Variants in SLC10A7 observed in about 807,000 individuals in gnomAD.
SLC10A7 encodes solute carrier family 10 member 7, also known as sodium/bile acid cotransporter 7.
A neutral mutation model predicts 43.2 loss-of-function variants in SLC10A7; 29 were observed. The observed-to-expected ratio is 0.67, with a 90% confidence interval of 0.50 to 0.92. The LOEUF (loss-of-function observed/expected upper bound fraction) is 0.92. Among genes scored for constraint, SLC10A7 ranks in the 40% least tolerant of loss-of-function variants. SLC10A7 has a pLI of 0.00. For synonymous variants in SLC10A7, 152 were observed against 144.8 expected, an observed-to-expected ratio of 1.05 and a Z score of -0.35; for missense variants, 295 against 403.2, an observed-to-expected ratio of 0.73 and a Z score of 2.30.
chr4:146,499,721 T>C (rs1736224666), intron 4 of SLC10A7, among the ~76,000 whole-genome samples: 2 of 152,184 alleles, frequency 1.3e-5, no homozygotes, highest in African/African-American at 4.8e-5. Flanking sequence ...ACAAAAATGC[T>C]TGACAATCAT....
chr4:146,309,868 A>C (rs1731839824), intron 6 of SLC10A7, among the ~76,000 whole-genome samples: 1 of 152,146 alleles, frequency 6.6e-6, no homozygotes, highest in African/African-American at 2.4e-5. Flanking sequence ...AGTTTGTTAC[A>C]TGGGTATATT....
At chr4:146,326,708 G>A (rs1733130474) in intron 5 of SLC10A7, among the ~76,000 whole-genome samples, 1 of 152,174 alleles carries the variant, frequency 6.6e-6, no homozygotes. Flanking sequence ...AAAACTAAGT[G>A]TTTGAGTTGG....
intron 11 of SLC10A7, among the ~76,000 whole-genome samples, chr4:146,257,903 T>A (rs1279148290): frequency 6.6e-6 from 1 of 152,212 alleles, no homozygotes; most frequent in African/African-American, 2.4e-5. Flanking sequence ...ATTTTCAGGA[T>A]ATTAAGAACA....
chr4:146,396,809 A>C (rs1738860543), intron 5 of SLC10A7, among the ~76,000 whole-genome samples: 1 of 152,006 alleles, frequency 6.6e-6, no homozygotes, highest in Non-Finnish European at 1.5e-5. Context: ...TCACTGAAAA[A>C]AAAAAGCATT....
At chr4:146,259,415 G>C (rs114538344) in intron 10 of SLC10A7, among the ~76,000 whole-genome samples, 3,320 of 152,240 alleles carry the variant, frequency 0.022, 108 homozygotes, top group African/African-American at 0.076. Flanking sequence ...TTAGGTAAGG[G>C]TCATACAGAT....
intron 5 of SLC10A7, among the ~76,000 whole-genome samples, chr4:146,359,592 T>C (rs1332216282): frequency 6.6e-6 from 1 of 152,142 alleles, no homozygotes; most frequent in East Asian, 1.9e-4. Context: ...GTGACAGTAA[T>C]ATTGCTTTCT....
At chr4:146,516,478 G>GTA (rs1241072885) in intron 2 of SLC10A7, among the ~76,000 whole-genome samples, 25 of 141,558 alleles carry the variant, frequency 1.8e-4, no homozygotes, top group African/African-American at 6.3e-4. Context: ...ATGTATATGT[G>GTA]TATATATATA....
At position 146,456,832 on chromosome 4, in the gene SLC10A7, G is replaced by C. The variant is rs141489094; in HGVS notation, c.397-14011C>G. The stretch of plus-strand genomic sequence containing the variant: ...TTCCAACCTTCTAATCACATGCTTG[G>C]TCTTTCTGGTGGCCAGTTCCCATCC... On this transcript the variant is annotated intron_variant, in intron 4 of 11. Coordinates refer to ENST00000335472, the MANE Select transcript of SLC10A7 (RefSeq NM_001029998.6). Among the ~76,000 whole-genome samples, 11 of 151,888 alleles carry C rather than the reference G, an allele frequency of 7.2e-5. No individual in the cohort carries two copies. The East Asian group carries it at 2.1e-3, about 29-fold the overall frequency.
In SLC10A7 at chr4:146,287,662, GC is replaced by G. The variant is rs536537882; in HGVS notation, c.774-4398del. ...AAAAAACTTCCATGCAGGAGTGAGT[GC>G]CCTCCAGTGATTGTAGAACATGTAA... On this transcript the variant is annotated intron_variant, in intron 9 of 11. Transcript: ENST00000335472. Among the ~76,000 whole-genome samples, 59 of 152,298 alleles carry G rather than the reference GC, an allele frequency of 3.9e-4. No individual in the cohort carries two copies. In the East Asian group the frequency reaches 9.5e-3, roughly 24 times the overall value.
Position 146,310,412 on chromosome 4 carries a change from C to G in SLC10A7, c.472-4403G>C, listed in dbSNP as rs182875332. On this transcript the variant is annotated intron_variant, in intron 6 of 11. Coordinates refer to ENST00000335472, the MANE Select transcript of SLC10A7 (RefSeq NM_001029998.6). ...TCTCCAGAACTGCTTTCCACAGACACTGAAGTAATTTACATTCCCACTAAT... is the reference window on the plus strand; with the variant it reads ...TCTCCAGAACTGCTTTCCACAGACAGTGAAGTAATTTACATTCCCACTAAT... 7.6e-4 allele frequency among the ~76,000 whole-genome samples: 116 copies of G among 152,264 alleles called. 1 individual carries two copies. Among genetic ancestry groups the G allele is most frequent in the Non-Finnish European group, 1.4e-3 (92 of 68,014 alleles).
intron 5 of SLC10A7, among the ~76,000 whole-genome samples, chr4:146,393,439 T>G (rs1738592512): frequency 6.6e-6 from 1 of 152,116 alleles, no homozygotes; most frequent in South Asian, 2.1e-4. Flanking sequence ...TTCTACTACA[T>G]TATCTCTTTA....
At chr4:146,336,977 G>A (rs1488833017) in intron 5 of SLC10A7, among the ~76,000 whole-genome samples, 1 of 151,976 alleles carries the variant, frequency 6.6e-6, no homozygotes, top group Non-Finnish European at 1.5e-5. Context: ...TTCAGGCAAT[G>A]TAAACTCATA....
intron 5 of SLC10A7, among the ~76,000 whole-genome samples, chr4:146,404,523 T>G (rs1739447228): frequency 6.6e-6 from 1 of 150,898 alleles, no homozygotes. Flanking sequence ...TGTGACTGGT[T>G]TAAGATCTTT....
At chr4:146,484,408 C>T (rs1734744633) in intron 4 of SLC10A7, among the ~76,000 whole-genome samples, 1 of 152,076 alleles carries the variant, frequency 6.6e-6, no homozygotes, top group Non-Finnish European at 1.5e-5. Flanking sequence ...TGGAGAAACA[C>T]TGGACTCAAA....
intron 4 of SLC10A7, among the ~76,000 whole-genome samples, chr4:146,477,112 C>T (rs1734095188): frequency 6.6e-6 from 1 of 152,236 alleles, no homozygotes; most frequent in African/African-American, 2.4e-5. Flanking sequence ...GCCTTGACCA[C>T]TACACAAAGA....
At chr4:146,274,279 C>T (rs547201475) in intron 10 of SLC10A7, among the ~76,000 whole-genome samples, 5 of 148,438 alleles carry the variant, frequency 3.4e-5, no homozygotes, top group Non-Finnish European at 7.4e-5. Flanking sequence ...TCTTGGATCA[C>T]TGCAACCTCT....
At chr4:146,492,410 C>T (rs1482697356) in intron 4 of SLC10A7, among the ~76,000 whole-genome samples, 1 of 152,026 alleles carries the variant, frequency 6.6e-6, no homozygotes, top group African/African-American at 2.4e-5. Flanking sequence ...CTCTTTCCCC[C>T]AGGCTGGAGT....
chr4:146,490,700 T>C (rs1273289370), intron 4 of SLC10A7, among the ~76,000 whole-genome samples: 1 of 152,160 alleles, frequency 6.6e-6, no homozygotes, highest in African/African-American at 2.4e-5. Context: ...CTCTCTTAAC[T>C]GGAACTAAAA....
At chr4:146,356,023 A>G (rs1182057792) in intron 5 of SLC10A7, among the ~76,000 whole-genome samples, 1 of 123,400 alleles carries the variant, frequency 8.1e-6, no homozygotes, top group Non-Finnish European at 1.7e-5. Flanking sequence ...CATGTACCCT[A>G]AAACTTAAAG....
Sources: gnomAD v4.1 joint callset for allele counts (sites outside exome capture counted in the v4.1 genomes callset) on GRCh38, gnomAD v4.1.1 for gene constraint, MANE v1.5 for transcripts, NCBI Gene and HGNC (gene_info 2026-07-23, HGNC 2026-07-21) for gene names.